The following ANKRD13D variants were observed in gnomAD, a reference collection of about 807,000 sequenced individuals.
The protein encoded by ANKRD13D is ankyrin repeat domain-containing protein 13D.
Under a neutral mutation model 68.8 loss-of-function variants are expected in ANKRD13D, and 24 were observed. That is an observed-to-expected ratio of 0.35 (90% CI 0.25 to 0.49). ANKRD13D has a LOEUF of 0.49. Among genes scored for constraint, ANKRD13D ranks in the 20% least tolerant of loss-of-function variants. The pLI, the probability that ANKRD13D is intolerant of heterozygous loss-of-function variation, is 0.99. For synonymous variants in ANKRD13D, 331 were observed against 336.1 expected (o/e 0.98, Z 0.16); for missense variants, 735 against 832.1 (o/e 0.88, Z 1.44).
intron 6 of ANKRD13D, among the ~76,000 whole-genome samples, chr11:67,295,697 C>T (rs1860733629): frequency 6.6e-6 from 1 of 152,274 alleles, no homozygotes; most frequent in African/African-American, 2.4e-5. Flanking sequence ...GATTGTGCCA[C>T]TGCACTCCAG....
intron 5 of ANKRD13D, 109 bp downstream of exon 5, chr11:67,291,855 G>T: frequency 6.6e-7 from 1 of 1,519,800 alleles, no homozygotes. Context: ...AGCTGAGGTT[G>T]GGGATGGAGG....
chr11:67,289,749 C>T (rs748459789), intron 1 of ANKRD13D, 199 bp downstream of exon 1: 27 of 1,412,466 alleles, frequency 1.9e-5, no homozygotes, highest in Non-Finnish European at 2.3e-5. Context: ...CTGCGCTGGG[C>T]CTTGCCCTGC....
Position 67,292,031 on chromosome 11 carries a change from G to C in ANKRD13D, c.582G>C (p.Gln194His), listed in dbSNP as rs201999693. Reference protein sequence around the residue: ...ALVMEVDHDRQVVHVETLGLT... With the variant: ...ALVMEVDHDRHVVHVETLGLT... ...TGATGGAAGTGGACCATGACCGGCA[G>C]GTGGTGCATGTGGAGACACTGGGGC... The change falls in exon 6 of 15, where the codon CAG becomes CAC. Residue 194 changes from glutamine to histidine, a missense_variant. Physicochemically the swap from Gln to His is conservative, Grantham distance 24 (BLOSUM62 0). Transcript: ENST00000511455. The C allele has an allele frequency of 6.3e-7, 1 of 1,595,034 alleles. No homozygotes were observed. Among genetic ancestry groups the C allele is most frequent in the Non-Finnish European group, 8.6e-7 (1 of 1,166,296 alleles).
In ANKRD13D at chr11:67,300,744, T is replaced by A; in HGVS notation, c.1074-246T>A. Reference sequence around the variant, plus strand: ...CACAGCCTGGCACCTGGCCTCCTTGTCCAGACCAGATGAGCTGGTACGAAA... The same window carrying A: ...CACAGCCTGGCACCTGGCCTCCTTGACCAGACCAGATGAGCTGGTACGAAA... On this transcript the variant is annotated intron_variant, in intron 10 of 14. Coordinates refer to ENST00000511455, the MANE Select transcript of ANKRD13D (RefSeq NM_207354.3). This position sits in a 1 kb window ranked among gnomAD's most constrained non-coding sequence, Gnocchi z 4.3. The A allele has an allele frequency of 8.6e-6, 5 of 581,736 alleles. No individual in the cohort carries two copies. Among genetic ancestry groups the A allele is most frequent in the Middle Eastern group, 4.5e-4 (1 of 2,200 alleles). 36.0% of individuals were successfully genotyped at this position (581,736 alleles called of 1,614,324 possible).
In ANKRD13D at chr11:67,299,698, G is replaced by T. The variant is rs925526530; in HGVS notation, c.880+87G>T. On this transcript the variant is annotated intron_variant, in intron 8 of 14. Coordinates refer to ENST00000511455, the MANE Select transcript of ANKRD13D (RefSeq NM_207354.3). This position sits in a 1 kb window ranked among gnomAD's most constrained non-coding sequence, Gnocchi z 6.2. ...GGGATTAGGGGCCAGAGTTTCCCAG[G>T]ATGAGCTGGGAGGCCTCCCCATTCC... 6.6e-7 allele frequency: 1 copy of T among 1,520,822 alleles called. No individual in the cohort carries two copies. Among genetic ancestry groups the T allele is most frequent in the African/African-American group, 1.4e-5 (1 of 72,782 alleles). 94.2% of individuals were successfully genotyped at this position (1,520,822 alleles called of 1,614,324 possible).
At chr11:67,289,711 C>A in intron 1 of ANKRD13D, 161 bp downstream of exon 1, 1 of 1,352,522 alleles carries the variant, frequency 7.4e-7, no homozygotes, top group Non-Finnish European at 9.6e-7. Context: ...ACCGGCCCCT[C>A]GCGCCTGAGC....
chr11:67,298,996 G>A, intron 6 of ANKRD13D, 62 bp from the exon 7 acceptor site: 1 of 1,583,084 alleles, frequency 6.3e-7, no homozygotes, highest in East Asian at 2.2e-5. Flanking sequence ...GCTTTGGAAA[G>A]GAAGGCTTTG....
chr11:67,290,430 T>C lies in ANKRD13D; in HGVS notation c.335T>C (p.Leu112Pro). Residue 112 changes from leucine to proline, a missense_variant, in exon 3 of 15, where the codon CTC becomes CCC. By Grantham distance (98) the Leu-to-Pro change is moderately conservative. Transcript: ENST00000511455. Reference protein sequence around the residue: ...TQRLAGIPELLNKLRQAPDFY... With the variant: ...TQRLAGIPELPNKLRQAPDFY... The stretch of plus-strand genomic sequence containing the variant: ...AGGCTGGCGGGCATTCCGGAACTGC[T>C]CAACAAACTTCGCCAGGTACAGCAG... 6.3e-7 allele frequency: 1 copy of C among 1,585,502 alleles called. No individual in the cohort carries two copies. Among genetic ancestry groups the C allele is most frequent in the Non-Finnish European group, 8.6e-7 (1 of 1,167,322 alleles).
At chr11:67,302,093 C>T in intron 14 of ANKRD13D, 26 bp from the exon 15 acceptor site, 4 of 1,519,108 alleles carry the variant, frequency 2.6e-6, no homozygotes, top group Non-Finnish European at 3.5e-6. Flanking sequence ...CTGGCCTGTT[C>T]TTCCCTCCCC....
In ANKRD13D at chr11:67,299,546, A is replaced by C; in HGVS notation, c.815A>C (p.Asn272Thr). The change falls in exon 8 of 15, where the codon AAC becomes ACC. Residue 272 changes from asparagine to threonine, a missense_variant. Physicochemically the swap from Asn to Thr is moderately conservative, Grantham distance 65. Coordinates refer to ENST00000511455, the MANE Select transcript of ANKRD13D (RefSeq NM_207354.3). This position sits in a 1 kb window ranked among gnomAD's most constrained non-coding sequence, Gnocchi z 6.2. ...GYEAKVYSATNVELVTRTRTE... is the reference protein window; with the variant it reads ...GYEAKVYSATTVELVTRTRTE... ...GCTCCCCAGGTGTACAGTGCCACCA[A>C]CGTGGAGCTGGTGACACGCACACGC... The C allele has an allele frequency of 6.4e-7, 1 of 1,550,884 alleles. No individual in the cohort carries two copies. Among genetic ancestry groups the C allele is most frequent in the Non-Finnish European group, 8.7e-7 (1 of 1,146,862 alleles).
intron 6 of ANKRD13D, among the ~76,000 whole-genome samples, chr11:67,297,410 G>T (rs1394997202): frequency 2.0e-5 from 3 of 152,152 alleles, no homozygotes; most frequent in Admixed American, 1.3e-4. Context: ...GCACAGGCTG[G>T]TCTCGAACTC....
chr11:67,301,860 C>G lies in ANKRD13D; in HGVS notation c.1604+37C>G, dbSNP rs1162360125. On this transcript the variant is annotated intron_variant, in intron 14 of 14. Coordinates refer to ENST00000511455, the MANE Select transcript of ANKRD13D (RefSeq NM_207354.3). This position sits in a 1 kb window ranked among gnomAD's most constrained non-coding sequence, Gnocchi z 4.5. ...ATGGGGCTGGCTGGGTCCCTGTCCCCCCAGCCCTGGCTTGGCGGGGAGGGG... is the reference window on the plus strand; with the variant it reads ...ATGGGGCTGGCTGGGTCCCTGTCCCGCCAGCCCTGGCTTGGCGGGGAGGGG... 1.9e-6 allele frequency: 3 copies of G among 1,550,282 alleles called. No homozygotes were observed. Among genetic ancestry groups the G allele is most frequent in the Admixed American group, 4.0e-5 (2 of 50,500 alleles).
Position 67,299,013 on chromosome 11 carries a change from G to T in ANKRD13D, c.732-45G>T. Reference sequence around the variant, plus strand: ...TTTGGAAAGGAAGGCTTTGGCCAGCGTGTGAGGGTGCAGGTCTCACCAGCT... The same window carrying T: ...TTTGGAAAGGAAGGCTTTGGCCAGCTTGTGAGGGTGCAGGTCTCACCAGCT... On this transcript the variant is annotated intron_variant, in intron 6 of 14. Coordinates refer to ENST00000511455, the MANE Select transcript of ANKRD13D (RefSeq NM_207354.3). The surrounding 1 kb of genome is among the most constrained non-coding windows in gnomAD (Gnocchi z 6.2). 1 of 1,602,532 alleles carries T rather than the reference G, an allele frequency of 6.2e-7. No homozygotes were observed.
At chr11:67,291,842 G>A in intron 5 of ANKRD13D, 96 bp downstream of exon 5, 2 of 1,536,656 alleles carry the variant, frequency 1.3e-6, no homozygotes, top group South Asian at 1.2e-5. Context: ...TTCCAGATGT[G>A]GAAGCTGAGG....
intron 1 of ANKRD13D, 66 bp downstream of exon 1, chr11:67,289,616 C>CGGGGG: frequency 7.8e-7 from 1 of 1,286,932 alleles, no homozygotes; most frequent in Non-Finnish European, 1.0e-6. Flanking sequence ...GGCCTCCGTC[C>CGGGGG]TGGAGCCCCC....
chr11:67,291,932 G>T, intron 5 of ANKRD13D, 59 bp from the exon 6 acceptor site: 1 of 1,531,410 alleles, frequency 6.5e-7, no homozygotes. Context: ...CGCCCTCTCT[G>T]CACTGCTGGC....
chr11:67,301,943 C>T lies in ANKRD13D; in HGVS notation c.1604+120C>T, dbSNP rs565539104. The T allele has an allele frequency of 1.1e-5, 15 of 1,333,780 alleles. No individual in the cohort carries two copies. Among genetic ancestry groups the T allele is most frequent in the African/African-American group, 4.4e-5 (3 of 67,714 alleles). 82.6% of individuals were successfully genotyped at this position (1,333,780 alleles called of 1,614,324 possible). ...CTGCAAGGCCACCCTCTGTCAGCAG[C>T]GCTATCTGCCACCAAAGGTGGTGTG... On this transcript the variant is annotated intron_variant, in intron 14 of 14. Coordinates refer to ENST00000511455, the MANE Select transcript of ANKRD13D (RefSeq NM_207354.3). The surrounding 1 kb of genome is among the most constrained non-coding windows in gnomAD (Gnocchi z 4.5).
In ANKRD13D at chr11:67,301,616, C is replaced by G; in HGVS notation, c.1477C>G (p.Gln493Glu). The G allele has an allele frequency of 6.2e-7, 1 of 1,612,808 alleles. No individual in the cohort carries two copies. The highest frequency in any genetic ancestry group is 8.5e-7 in the Non-Finnish European group (1 of 1,179,954). ...TGACCTCCTGCAGTTCGCCATCCAG[C>G]AGAGCCTGCTTGAAGCGGGCACTGA... ...DDDLLQFAIQQSLLEAGTEAE... is the reference protein window; with the variant it reads ...DDDLLQFAIQESLLEAGTEAE... The change falls in exon 13 of 15, where the codon CAG becomes GAG. Residue 493 changes from glutamine (Q) to glutamate (E), a missense_variant. Physicochemically the swap from Gln to Glu is conservative, Grantham distance 29. Coordinates refer to ENST00000511455, the MANE Select transcript of ANKRD13D (RefSeq NM_207354.3). The surrounding 1 kb of genome is among the most constrained non-coding windows in gnomAD (Gnocchi z 4.5).
chr11:67,299,743 C>T lies in ANKRD13D; in HGVS notation c.881-84C>T. ...CATTCCCGTCTGACCCCTCTTCCCC[C>T]AGACAGTAGGCTCCAGGGGTGGAGG... is the stretch of plus-strand genomic sequence containing the variant. On this transcript the variant is annotated intron_variant, in intron 8 of 14. Coordinates refer to ENST00000511455, the MANE Select transcript of ANKRD13D (RefSeq NM_207354.3). The surrounding 1 kb of genome is among the most constrained non-coding windows in gnomAD (Gnocchi z 6.2). The T allele has an allele frequency of 6.5e-7, 1 of 1,538,594 alleles. No homozygotes were observed. The highest frequency in any genetic ancestry group is 1.4e-5 in the African/African-American group (1 of 73,196).
Sources: allele counts gnomAD v4.1 joint callset (sites outside exome capture counted in the v4.1 genomes callset), GRCh38; gene constraint gnomAD v4.1.1; non-coding constraint Gnocchi (gnomAD v3.1); transcripts MANE v1.5; gene names NCBI Gene and HGNC (gene_info 2026-07-23, HGNC 2026-07-21).